ASXL1: variants seen among roughly 807,000 people sequenced by gnomAD.
The protein encoded by ASXL1 is ASXL transcriptional regulator 1.
Under a neutral mutation model 89.1 loss-of-function variants are expected in ASXL1, and 65 were observed. The ratio of observed to expected loss-of-function variants is 0.73; its 90% CI spans 0.60 to 0.90. ASXL1 has a LOEUF of 0.90. Ranked by LOEUF, ASXL1 falls within the 40% of genes least tolerant of loss-of-function variation. The pLI is 0.00. For missense variants in ASXL1, 1,786 were observed against 1,942.9 expected (o/e 0.92, Z 1.52); for synonymous variants, 739 against 746.9 (o/e 0.99, Z 0.17).
At chr20:32,387,143 C>CA (rs963484393) in intron 4 of ASXL1, among the ~76,000 whole-genome samples, 1 of 151,428 alleles carries the variant, frequency 6.6e-6, no homozygotes, top group Admixed American at 6.6e-5. Flanking sequence ...ACTAAAAAAA[C>CA]AAAAAAACAA....
chr20:32,412,304 A>C (rs1247139513), intron 4 of ASXL1, among the ~76,000 whole-genome samples: 2 of 152,252 alleles, frequency 1.3e-5, no homozygotes, highest in African/African-American at 4.8e-5. Context: ...CAGTTTTAGT[A>C]TAAACACTTA....
Position 32,434,437 on chromosome 20 carries a change from A to G in ASXL1, c.1725A>G (p.Gln575=), listed in dbSNP as rs771671358. The G allele has an allele frequency of 1.3e-5, 21 of 1,613,854 alleles. No individual in the cohort carries two copies. The highest frequency in any genetic ancestry group is 1.6e-4 in the Middle Eastern group (1 of 6,084). ...TTCTAATTCTTTTTTTGCAGATTCA[A>G]CTTTCACGTATCAAACCACCCTGGG... is the stretch of plus-strand genomic sequence containing the variant. ...EEPKVPPIRI[Q]LSRIKPPWVV... The change falls in exon 13 of 13, where the codon CAA becomes CAG. Residue 575 remains glutamine (Q), a synonymous_variant. Coordinates refer to ENST00000375687, the MANE Select transcript of ASXL1 (RefSeq NM_015338.6).
At chr20:32,392,801 A>T (rs2048696021) in intron 4 of ASXL1, among the ~76,000 whole-genome samples, 1 of 151,940 alleles carries the variant, frequency 6.6e-6, no homozygotes, top group Admixed American at 6.6e-5. Context: ...ACTGTTACTG[A>T]TTTTTGATTT....
intron 4 of ASXL1, among the ~76,000 whole-genome samples, chr20:32,415,301 G>C (rs530642036): frequency 3.4e-4 from 51 of 152,238 alleles, no homozygotes; most frequent in African/African-American, 1.2e-3. Context: ...GAGCCACCAT[G>C]CCCAGCCTGC....
chr20:32,419,666 G>T (rs2049204183), intron 4 of ASXL1, among the ~76,000 whole-genome samples: 1 of 150,518 alleles, frequency 6.6e-6, no homozygotes. Context: ...TTCAACCCTG[G>T]CAAATGGATA....
chr20:32,435,460 A>C lies in ASXL1; in HGVS notation c.2748A>C (p.Arg916Ser). 6.2e-7 allele frequency: 1 copy of C among 1,614,072 alleles called. No individual in the cohort carries two copies. Among genetic ancestry groups the C allele is most frequent in the Non-Finnish European group, 8.5e-7 (1 of 1,180,030 alleles). ...TGAAACAGCCCAAACCAGAATCCAG[A>C]GAACACATACCATCTGTTGAGCCCC... ...EVVKQPKPES[R>S]EHIPSVEPQV... is the part of the protein sequence containing the mutation. The change falls in exon 13 of 13, where the codon AGA (arginine) becomes AGC (serine). Residue 916 changes from arginine to serine, a missense_variant. Arg to Ser is a moderately radical substitution (Grantham distance 110). Coordinates refer to ENST00000375687, the MANE Select transcript of ASXL1 (RefSeq NM_015338.6).
At chr20:32,359,235 C>T (rs902654861) in intron 1 of ASXL1, 2 of 701,354 alleles carry the variant, frequency 2.9e-6, no homozygotes, top group African/African-American at 3.5e-5. Flanking sequence ...CCCTCGCTTC[C>T]TGGTGGGTAA....
intron 3 of ASXL1, among the ~76,000 whole-genome samples, chr20:32,368,631 T>C (rs2048244106): frequency 6.6e-6 from 1 of 152,218 alleles, no homozygotes; most frequent in Non-Finnish European, 1.5e-5. Context: ...GTATGATATG[T>C]AGATTGAAAT....
chr20:32,425,638 G>A (rs1364789688), intron 4 of ASXL1, among the ~76,000 whole-genome samples: 1 of 152,042 alleles, frequency 6.6e-6, no homozygotes, highest in Admixed American at 6.6e-5. Context: ...ATCCTCTTGT[G>A]CAGTGCCTAA....
At chr20:32,359,033 T>TCGACCTCGCGCCCCCCC in intron 1 of ASXL1, 1 of 607,126 alleles carries the variant, frequency 1.6e-6, no homozygotes. Context: ...CTTTTTCCGC[T>TCGACCTCGCGCCCCCCC]CGCCCTCGCG....
At chr20:32,399,498 ATT>A (rs566676378) in intron 4 of ASXL1, among the ~76,000 whole-genome samples, 1 of 98,334 alleles carries the variant, frequency 1.0e-5, no homozygotes, top group Non-Finnish European at 2.2e-5. Context: ...CAGGTTTCGG[ATT>A]TTTTTTTTTT....
intron 4 of ASXL1, among the ~76,000 whole-genome samples, chr20:32,400,587 C>T (rs1002696301): frequency 2.6e-5 from 4 of 152,154 alleles, no homozygotes; most frequent in Admixed American, 6.5e-5. Context: ...GTTTTCCTCT[C>T]CTTGCTGCCC....
intron 4 of ASXL1, chr20:32,372,020 A>G (rs2048307837): frequency 1.0e-6 from 1 of 982,070 alleles, no homozygotes; most frequent in African/African-American, 1.7e-5. Context: ...TTTAAAAGGA[A>G]GGATAATTAC....
intron 4 of ASXL1, among the ~76,000 whole-genome samples, chr20:32,369,924 T>C (rs2048272295): frequency 6.6e-6 from 1 of 151,828 alleles, no homozygotes; most frequent in East Asian, 1.9e-4. Flanking sequence ...TTTCACCATG[T>C]TGGCCAGGCT....
intron 4 of ASXL1, among the ~76,000 whole-genome samples, chr20:32,426,548 T>TTTTA (rs2011301142): frequency 1.0e-5 from 1 of 98,376 alleles, no homozygotes; most frequent in Non-Finnish European, 2.3e-5. Flanking sequence ...TTTCTTTTTT[T>TTTTA]TCTTTCTTTT....
intron 11 of ASXL1, 83 bp downstream of exon 11, chr20:32,433,068 T>G: frequency 6.3e-7 from 1 of 1,580,524 alleles, no homozygotes; most frequent in Non-Finnish European, 8.6e-7. Flanking sequence ...TATACTTATG[T>G]GTTGGACAAG....
intron 4 of ASXL1, among the ~76,000 whole-genome samples, chr20:32,415,083 A>G (rs541031271): frequency 6.6e-6 from 1 of 152,170 alleles, no homozygotes; most frequent in Admixed American, 6.5e-5. Context: ...ATCTCAACTC[A>G]CTGCAACCTC....
At chr20:32,392,927 A>ATTTT (rs2048697911) in intron 4 of ASXL1, among the ~76,000 whole-genome samples, 1 of 152,198 alleles carries the variant, frequency 6.6e-6, no homozygotes. Flanking sequence ...GGGCACTTGA[A>ATTTT]AAGAATGTGT....
Position 32,428,308 on chromosome 20 carries a change from ATTT to A in ASXL1, c.374-15_374-13del. ...CAGCAGGCACTAGGGACTAACCTTT[ATTT>A]TCCTCTCTTCCAGTATCTCTTGATG... On this transcript the variant is annotated splice_polypyrimidine_tract_variant and intron_variant, in intron 5 of 12. Transcript: ENST00000375687. 1 of 1,614,040 alleles carries A rather than the reference ATTT, an allele frequency of 6.2e-7. No individual in the cohort carries two copies. The highest frequency in any genetic ancestry group is 8.5e-7 in the Non-Finnish European group (1 of 1,180,000).
Sources: allele counts gnomAD v4.1 joint callset (sites outside exome capture counted in the v4.1 genomes callset), GRCh38; gene constraint gnomAD v4.1.1; transcripts MANE v1.5; gene names NCBI Gene and HGNC (gene_info 2026-07-23, HGNC 2026-07-21).